The following PLXNA4 variants were observed in gnomAD, a reference collection of about 807,000 sequenced individuals.
PLXNA4 encodes plexin-A4.
PLXNA4 carries 44 observed loss-of-function variants against 191.8 expected under a neutral mutation model. The observed-to-expected ratio is 0.23, with a 90% CI of 0.18 to 0.29. The LOEUF is 0.29. Ranked by LOEUF, PLXNA4 falls within the 10% of genes least tolerant of loss-of-function variation. The pLI, the probability that PLXNA4 is intolerant of heterozygous loss-of-function variation, is 1.00. For missense variants in PLXNA4, 1,800 were observed against 2,488.8 expected (o/e 0.72, Z 5.89); for synonymous variants, 1,082 against 1,009.5 (o/e 1.07, Z -1.36).
At chr7:132,370,819 C>T (rs1804406750) in intron 3 of PLXNA4, among the ~76,000 whole-genome samples, 1 of 152,208 alleles carries the variant, frequency 6.6e-6, no homozygotes, top group Non-Finnish European at 1.5e-5. Flanking sequence ...CCATCCTCTG[C>T]TGTTAGGCAA....
chr7:132,393,361 A>G (rs1264006359), intron 3 of PLXNA4, among the ~76,000 whole-genome samples: 1 of 151,914 alleles, frequency 6.6e-6, no homozygotes. Flanking sequence ...TACCTTGATC[A>G]TGGTACCCTC....
intron 3 of PLXNA4, among the ~76,000 whole-genome samples, chr7:132,299,376 T>C (rs1801222971): frequency 6.6e-6 from 1 of 152,180 alleles, no homozygotes; most frequent in Non-Finnish European, 1.5e-5. Flanking sequence ...AAAAGAGTCA[T>C]TCTGAGGAAC....
At chr7:132,341,818 G>T (rs1397899424) in intron 3 of PLXNA4, among the ~76,000 whole-genome samples, 2 of 152,160 alleles carry the variant, frequency 1.3e-5, no homozygotes, top group Non-Finnish European at 2.9e-5. Context: ...CATGTGTTGA[G>T]TATTTACTGA....
chr7:132,366,887 G>C (rs1357195008), intron 3 of PLXNA4, among the ~76,000 whole-genome samples: 1 of 152,120 alleles, frequency 6.6e-6, no homozygotes, highest in East Asian at 1.9e-4. Flanking sequence ...TCAGCCTCCT[G>C]AGTAGCTGGA....
chr7:132,324,080 G>T (rs1430332387), intron 3 of PLXNA4, among the ~76,000 whole-genome samples: 1 of 152,058 alleles, frequency 6.6e-6, no homozygotes, highest in Non-Finnish European at 1.5e-5. Flanking sequence ...ACAAAAATTA[G>T]GCTCTATCTA....
At chr7:132,192,504 G>T (rs1328561862) in intron 14 of PLXNA4, among the ~76,000 whole-genome samples, 2 of 151,374 alleles carry the variant, frequency 1.3e-5, no homozygotes, top group Non-Finnish European at 2.9e-5. Flanking sequence ...AAGGAAGGAA[G>T]GAAGGGAGAG....
intron 2 of PLXNA4, among the ~76,000 whole-genome samples, chr7:132,602,325 G>T (rs1415386142): frequency 6.6e-6 from 1 of 152,146 alleles, no homozygotes; most frequent in East Asian, 1.9e-4. Flanking sequence ...CTCAGTCATG[G>T]CTTTGCAGGG....
At chr7:132,258,396 T>C (rs900620076) in intron 4 of PLXNA4, among the ~76,000 whole-genome samples, 1 of 152,254 alleles carries the variant, frequency 6.6e-6, no homozygotes, top group African/African-American at 2.4e-5. Context: ...TAGTGGGCTC[T>C]CTCTCACTCA....
intron 24 of PLXNA4, among the ~76,000 whole-genome samples, chr7:132,162,208 G>A (rs745324334): frequency 9.3e-4 from 142 of 152,324 alleles, no homozygotes; most frequent in East Asian, 1.9e-4. Context: ...CACACCCTGA[G>A]GGGGCTGCTC....
rs1794886047 is a variant in PLXNA4, at chr7:132,130,242, T to C, written c.*237A>G. The C allele has an allele frequency of 3.8e-6, 2 of 533,130 alleles. No individual in the cohort carries two copies. The highest frequency in any genetic ancestry group is 6.6e-6 in the Non-Finnish European group (2 of 304,108). 33.0% of individuals were successfully genotyped at this position (533,130 alleles called of 1,614,324 possible). A position where few individuals can be genotyped will look rare whatever the true frequency, so the allele number is the denominator to read the frequency against. ...AGCTCCCTTGCCATGGGCCTGGCCATTCTTGGACTAACTGAGGGTCAGTGG... is the reference window on the plus strand; with the variant it reads ...AGCTCCCTTGCCATGGGCCTGGCCACTCTTGGACTAACTGAGGGTCAGTGG... On this transcript the variant is annotated 3_prime_UTR_variant, in exon 32 of 32. Coordinates refer to ENST00000321063, the MANE Select transcript of PLXNA4 (RefSeq NM_020911.2).
chr7:132,181,254 G>C (rs1796692210), intron 18 of PLXNA4, 127 bp downstream of exon 18: 2 of 1,493,866 alleles, frequency 1.3e-6, no homozygotes, highest in Admixed American at 3.7e-5. Flanking sequence ...TCACACTCTG[G>C]GCTACACTGC....
intron 1 of PLXNA4, among the ~76,000 whole-genome samples, chr7:132,557,548 T>TAAAA (rs1554468490): frequency 8.9e-6 from 1 of 111,846 alleles, no homozygotes; most frequent in Non-Finnish European, 1.9e-5. Flanking sequence ...TATCTTTTTT[T>TAAAA]TAAAAAAAAA....
intron 10 of PLXNA4, among the ~76,000 whole-genome samples, chr7:132,209,305 G>T (rs1183352442): frequency 6.6e-6 from 1 of 152,214 alleles, no homozygotes; most frequent in African/African-American, 2.4e-5. Flanking sequence ...AAACAAGGCT[G>T]TTTTCCCCAC....
chr7:132,374,466 C>T (rs1319963939), intron 3 of PLXNA4, among the ~76,000 whole-genome samples: 1 of 152,124 alleles, frequency 6.6e-6, no homozygotes, highest in Non-Finnish European at 1.5e-5. Context: ...GCCAGGCCTA[C>T]ACCAGCAAAG....
chr7:132,263,837 T>C (rs559632681), intron 4 of PLXNA4, among the ~76,000 whole-genome samples: 40 of 152,320 alleles, frequency 2.6e-4, no homozygotes, highest in African/African-American at 8.9e-4. Flanking sequence ...AATGAGAGAT[T>C]GTGTGGAAAA....
intron 14 of PLXNA4, among the ~76,000 whole-genome samples, chr7:132,188,416 T>TC (rs1333111959): frequency 1.3e-5 from 2 of 152,148 alleles, no homozygotes; most frequent in African/African-American, 2.4e-5. Context: ...CTCTCTCCCT[T>TC]CCCCAGCTAC....
At chr7:132,241,782 A>G (rs1406932518) in intron 4 of PLXNA4, among the ~76,000 whole-genome samples, 1 of 151,866 alleles carries the variant, frequency 6.6e-6, no homozygotes, top group Non-Finnish European at 1.5e-5. Context: ...AAAAGCTTTC[A>G]CTATGGTGCT....
At chr7:132,232,952 C>G (rs1798573769) in intron 5 of PLXNA4, among the ~76,000 whole-genome samples, 1 of 152,164 alleles carries the variant, frequency 6.6e-6, no homozygotes, top group African/African-American at 2.4e-5. Flanking sequence ...TCCCTGGGCT[C>G]TCTAGCATGT....
intron 20 of PLXNA4, among the ~76,000 whole-genome samples, chr7:132,176,505 AGTGT>A (rs763435768): frequency 6.6e-5 from 10 of 152,138 alleles, no homozygotes; most frequent in Non-Finnish European, 1.3e-4. Flanking sequence ...CACTTGTCTG[AGTGT>A]GTATGTCAGG....
Sources: allele counts gnomAD v4.1 joint callset (sites outside exome capture counted in the v4.1 genomes callset), GRCh38; gene constraint gnomAD v4.1.1; transcripts MANE v1.5; gene names NCBI Gene and HGNC (gene_info 2026-07-23, HGNC 2026-07-21).